Variants in EFCAB6 observed in about 807,000 individuals in gnomAD.
EFCAB6 encodes EF-hand calcium-binding domain-containing protein 6.
EFCAB6 carries 156 observed loss-of-function variants against 169.8 expected under a neutral mutation model. The ratio of observed to expected loss-of-function variants is 0.92; its 90% CI spans 0.81 to 1.05. EFCAB6 has a LOEUF of 1.05. EFCAB6 is among the 50% of genes least tolerant of loss of function. EFCAB6 has a pLI of 0.00. For synonymous variants in EFCAB6, 698 were observed against 676.4 expected, an observed-to-expected ratio of 1.03 and a Z score of -0.50; for missense variants, 1,800 against 1,829.1, an observed-to-expected ratio of 0.98 and a Z score of 0.29.
chr22:43,624,014 T>C (rs1602687355), intron 20 of EFCAB6, among the ~76,000 whole-genome samples: 1 of 150,282 alleles, frequency 6.7e-6, no homozygotes, highest in South Asian at 2.1e-4. Context: ...GCAGAGGAGG[T>C]GGCCCCTCCC....
intron 19 of EFCAB6, 45 bp from the exon 20 acceptor site, chr22:43,626,724 G>A (rs776618026): frequency 1.2e-5 from 19 of 1,597,576 alleles, no homozygotes; most frequent in Admixed American, 6.7e-5. Flanking sequence ...CAAGAGCCCC[G>A]GACGGCCACA....
intron 11 of EFCAB6, among the ~76,000 whole-genome samples, chr22:43,686,138 C>T (rs966856443): frequency 2.0e-5 from 3 of 152,152 alleles, no homozygotes; most frequent in African/African-American, 4.8e-5. Context: ...TGCGCCACCA[C>T]GCCTGGCTAA....
intron 27 of EFCAB6, among the ~76,000 whole-genome samples, chr22:43,541,904 A>G (rs1602147082): frequency 6.6e-6 from 1 of 152,230 alleles, no homozygotes; most frequent in Non-Finnish European, 1.5e-5. Context: ...CAGGTGCTCA[A>G]TACATGTTTG....
intron 10 of EFCAB6, among the ~76,000 whole-genome samples, chr22:43,708,916 G>A (rs1378919013): frequency 1.3e-5 from 2 of 152,038 alleles, no homozygotes; most frequent in Admixed American, 6.5e-5. Flanking sequence ...TGGGGTGAAT[G>A]CAAAAAAGAG....
At chr22:43,659,769 G>C (rs773189182) in intron 17 of EFCAB6, among the ~76,000 whole-genome samples, 1 of 152,250 alleles carries the variant, frequency 6.6e-6, no homozygotes, top group Non-Finnish European at 1.5e-5. Context: ...ATTCATGGTA[G>C]TGAGTAAAGA....
At position 43,744,366 on chromosome 22, in the gene EFCAB6, T is replaced by G. The variant is rs1306881497; in HGVS notation, c.508-8373A>C. On this transcript the variant is annotated intron_variant, in intron 6 of 31. Coordinates refer to ENST00000262726, the MANE Select transcript of EFCAB6 (RefSeq NM_022785.4). This position sits in a 1 kb window ranked among gnomAD's most constrained non-coding sequence, Gnocchi z 4.3. ...GGTAGACAAGCATCTCATTTCCCAGTGGATTCAGTGATCTGCTCTGCACCT... is the reference window on the plus strand; with the variant it reads ...GGTAGACAAGCATCTCATTTCCCAGGGGATTCAGTGATCTGCTCTGCACCT... 6.6e-6 allele frequency among the ~76,000 whole-genome samples: 1 copy of G among 152,132 alleles called. No individual in the cohort carries two copies. The highest frequency in any genetic ancestry group is 2.4e-5 in the African/African-American group (1 of 41,428).
chr22:43,691,584 C>T (rs553431903), intron 10 of EFCAB6, among the ~76,000 whole-genome samples: 4 of 152,020 alleles, frequency 2.6e-5, no homozygotes, highest in Non-Finnish European at 5.9e-5. Context: ...TCAAACTTAC[C>T]TATTTAATTA....
chr22:43,735,407 T>C (rs2060097381), intron 7 of EFCAB6, among the ~76,000 whole-genome samples: 1 of 152,088 alleles, frequency 6.6e-6, no homozygotes, highest in Admixed American at 6.5e-5. Flanking sequence ...GTCTCCATTA[T>C]TGTATCAGGA....
At chr22:43,563,695 C>T (rs1207298630) in intron 26 of EFCAB6, among the ~76,000 whole-genome samples, 1 of 152,254 alleles carries the variant, frequency 6.6e-6, no homozygotes, top group Non-Finnish European at 1.5e-5. Flanking sequence ...ACAGATATTT[C>T]TGCAGGAGTT....
chr22:43,660,948 G>A (rs1216005363), intron 17 of EFCAB6, among the ~76,000 whole-genome samples: 4 of 152,154 alleles, frequency 2.6e-5, no homozygotes, highest in Admixed American at 6.5e-5. Context: ...TGCTAATTCA[G>A]CATATGAAGA....
intron 10 of EFCAB6, among the ~76,000 whole-genome samples, chr22:43,688,851 A>T (rs2058297970): frequency 6.6e-6 from 1 of 152,240 alleles, no homozygotes; most frequent in Non-Finnish European, 1.5e-5. Context: ...TTGATGTGAG[A>T]TCTCAAAGTG....
intron 20 of EFCAB6, among the ~76,000 whole-genome samples, chr22:43,622,589 C>A (rs2054186886): frequency 6.6e-6 from 1 of 151,984 alleles, no homozygotes; most frequent in Non-Finnish European, 1.5e-5. Flanking sequence ...CAAACAAAAA[C>A]AAACAAACTC....
At chr22:43,551,407 C>A (rs998437338) in intron 27 of EFCAB6, among the ~76,000 whole-genome samples, 1 of 152,196 alleles carries the variant, frequency 6.6e-6, no homozygotes, top group Non-Finnish European at 1.5e-5. Context: ...ATGGCAAAGA[C>A]CGCAATTACT....
chr22:43,781,387 G>A (rs917545105), intron 3 of EFCAB6, among the ~76,000 whole-genome samples: 2 of 152,118 alleles, frequency 1.3e-5, no homozygotes, highest in Non-Finnish European at 2.9e-5. Context: ...GCTGTGGCAC[G>A]ATCATGGCTC....
intron 2 of EFCAB6, among the ~76,000 whole-genome samples, chr22:43,799,279 A>G (rs1437910971): frequency 2.0e-5 from 3 of 151,850 alleles, no homozygotes; most frequent in Non-Finnish European, 4.4e-5. Flanking sequence ...GCAGTGAGCT[A>G]TGATCACACT....
chr22:43,586,270 G>T (rs2051055945), intron 24 of EFCAB6, among the ~76,000 whole-genome samples: 1 of 142,424 alleles, frequency 7.0e-6, no homozygotes, highest in African/African-American at 2.6e-5. Flanking sequence ...CCATTAAGTT[G>T]TATTATGTTA....
intron 26 of EFCAB6, among the ~76,000 whole-genome samples, chr22:43,558,981 A>G (rs1471252282): frequency 6.6e-6 from 1 of 152,226 alleles, no homozygotes. Flanking sequence ...TAAAACACCA[A>G]AAGCAATTGC....
Position 43,716,948 on chromosome 22 carries a change from G to C in EFCAB6, c.782C>G (p.Ala261Gly), listed in dbSNP as rs1391898572. The part of the protein sequence containing the change: ...NQEVSLENQQ[A>G]KNSKKERLLG... ...CAAACGTTCCTTTTTGGAATTTTTG[G>C]CTTGTTGATTCTCCAACGAGACCTC... is the stretch of plus-strand genomic sequence containing the variant. Residue 261 changes from alanine to glycine, a missense_variant, in exon 9 of 32, where the codon GCC (alanine) becomes GGC (glycine). Physicochemically the swap from Ala to Gly is moderately conservative, Grantham distance 60. Coordinates refer to ENST00000262726, the MANE Select transcript of EFCAB6 (RefSeq NM_022785.4). 1 of 1,563,866 alleles carries C rather than the reference G, an allele frequency of 6.4e-7. No homozygotes were observed. Among genetic ancestry groups the C allele is most frequent in the Non-Finnish European group, 8.6e-7 (1 of 1,156,714 alleles).
At chr22:43,673,884 G>A (rs556691310) in intron 13 of EFCAB6, among the ~76,000 whole-genome samples, 6 of 150,962 alleles carry the variant, frequency 4.0e-5, no homozygotes, top group African/African-American at 7.3e-5. Context: ...TATATGTGGC[G>A]TGAACCTGGG....
Sources: allele counts gnomAD v4.1 joint callset (sites outside exome capture counted in the v4.1 genomes callset), GRCh38; gene constraint gnomAD v4.1.1; non-coding constraint Gnocchi (gnomAD v3.1); transcripts MANE v1.5; gene names NCBI Gene and HGNC (gene_info 2026-07-23, HGNC 2026-07-21).